Variants in PDE6A observed in about 807,000 individuals in gnomAD.
PDE6A encodes rod cGMP-specific 3',5'-cyclic phosphodiesterase subunit alpha.
In PDE6A, 84 loss-of-function variants were observed where a neutral mutation model predicts 106.3. That is an observed-to-expected ratio of 0.79 (90% CI 0.66 to 0.95). The LOEUF (loss-of-function observed/expected upper bound fraction) is 0.95, where lower values mean the gene tolerates loss of function less well. Among genes scored for constraint, PDE6A ranks in the 40% least tolerant of loss-of-function variants. The pLI, the probability that PDE6A is intolerant of heterozygous loss-of-function variation, is 0.00. For missense variants in PDE6A, 1,052 were observed against 1,084.9 expected (o/e 0.97, Z 0.43); for synonymous variants, 394 against 386.6 (o/e 1.02, Z -0.23).
intron 13 of PDE6A, among the ~76,000 whole-genome samples, chr5:149,892,064 G>A (rs1192235953): frequency 6.6e-6 from 1 of 152,136 alleles, no homozygotes; most frequent in Non-Finnish European, 1.5e-5. Flanking sequence ...TATAATTCCA[G>A]CAACTTGGGA....
intron 3 of PDE6A, chr5:149,932,716 A>G (rs1754077600): frequency 2.0e-6 from 3 of 1,503,468 alleles, no homozygotes; most frequent in Non-Finnish European, 9.2e-7. Context: ...CCAAATGTGT[A>G]CCAACTACTG....
chr5:149,902,590 G>C (rs1265259831), intron 8 of PDE6A, among the ~76,000 whole-genome samples: 1 of 152,050 alleles, frequency 6.6e-6, no homozygotes, highest in Admixed American at 6.5e-5. Flanking sequence ...GGAGGCCGAG[G>C]TGGGTGGATC....
chr5:149,936,201 G>GGAAGGAAGGAAT (rs1754179907), intron 1 of PDE6A, among the ~76,000 whole-genome samples: 1 of 150,800 alleles, frequency 6.6e-6, no homozygotes, highest in African/African-American at 2.4e-5. Context: ...AAGGAAGGAA[G>GGAAGGAAGGAAT]GAATTCAGAG....
At chr5:149,881,457 G>T (rs1446961699) in intron 17 of PDE6A, among the ~76,000 whole-genome samples, 4 of 152,210 alleles carry the variant, frequency 2.6e-5, no homozygotes, top group African/African-American at 9.6e-5. Flanking sequence ...AACAGGGATG[G>T]TGTTGGAGGC....
chr5:149,897,245 T>C lies in PDE6A; in HGVS notation c.1408-469A>G, dbSNP rs537684189. ...CCTTGGACATAGTCCTAGTTCTTCCTCTCATTTACTGTGTAACTTGAGGCA... is the reference window on the plus strand; with the variant it reads ...CCTTGGACATAGTCCTAGTTCTTCCCCTCATTTACTGTGTAACTTGAGGCA... On this transcript the variant is annotated intron_variant, in intron 10 of 21. Coordinates refer to ENST00000255266, the MANE Select transcript of PDE6A (RefSeq NM_000440.3). 1.2e-4 allele frequency among the ~76,000 whole-genome samples: 19 copies of C among 152,386 alleles called. No homozygotes were observed. The South Asian group carries it at 3.5e-3, about 28-fold the overall frequency.
chr5:149,894,629 A>ATTTTTTTTTTTTTTT (rs10657525), intron 13 of PDE6A, among the ~76,000 whole-genome samples: 1 of 113,050 alleles, frequency 8.8e-6, no homozygotes, highest in South Asian at 3.0e-4. Flanking sequence ...GAACTGTTGA[A>ATTTTTTTTTTTTTTT]TTTTTTTTTT....
chr5:149,868,247 C>T lies in PDE6A; in HGVS notation c.2136-89G>A, dbSNP rs73796302. ...CCATCTCTCTCACCTTTCTCCACCC[C>T]CACTAGTAGGTGACTTTGTCTCATT... On this transcript the variant is annotated intron_variant, in intron 17 of 21. Coordinates refer to ENST00000255266, the MANE Select transcript of PDE6A (RefSeq NM_000440.3). 818 of 1,282,622 alleles carry T rather than the reference C, an allele frequency of 6.4e-4. 5 individuals are homozygous for T. The African/African-American group carries it at 0.01, about 16-fold the overall frequency. The allele number at this position is 1,282,622 out of a possible 1,614,324, so 79.5% of individuals were successfully genotyped here.
At chr5:149,944,032 A>T (rs951640857) in intron 1 of PDE6A, among the ~76,000 whole-genome samples, 168 bp downstream of exon 1, 8 of 151,510 alleles carry the variant, frequency 5.3e-5, no homozygotes, top group Admixed American at 3.9e-4. Context: ...TTAAGTTTGA[A>T]TTTTTTTTTC....
chr5:149,912,087 C>T (rs775328803), intron 6 of PDE6A, among the ~76,000 whole-genome samples: 12 of 151,978 alleles, frequency 7.9e-5, no homozygotes, highest in Admixed American at 2.6e-4. Flanking sequence ...CCTACCTGCT[C>T]TATGTTCTTC....
At chr5:149,913,178 T>G (rs1753438022) in intron 6 of PDE6A, among the ~76,000 whole-genome samples, 1 of 152,098 alleles carries the variant, frequency 6.6e-6, no homozygotes, top group South Asian at 2.1e-4. Flanking sequence ...GGTCAGGAGT[T>G]TGAGACCAGC....
Position 149,860,820 on chromosome 5 carries a change from G to T in PDE6A, c.*75C>A. On this transcript the variant is annotated 3_prime_UTR_variant, in exon 22 of 22. Coordinates refer to ENST00000255266, the MANE Select transcript of PDE6A (RefSeq NM_000440.3). ...ATGACTCTTCTACTTCTCAAGGTGT[G>T]TGGTCTTCCACTGGCTTGAGTCATC... The T allele has an allele frequency of 8.4e-7, 1 of 1,186,738 alleles. No homozygotes were observed. Among genetic ancestry groups the T allele is most frequent in the Non-Finnish European group, 1.3e-6 (1 of 792,552 alleles). The allele number at this position is 1,186,738 out of a possible 1,614,324, so 73.5% of individuals were successfully genotyped here. A position where few individuals can be genotyped will look rare whatever the true frequency, so the allele number is the denominator to read the frequency against.
chr5:149,902,004 C>T (rs1024148597), intron 8 of PDE6A, among the ~76,000 whole-genome samples: 1 of 152,184 alleles, frequency 6.6e-6, no homozygotes, highest in African/African-American at 2.4e-5. Flanking sequence ...AAGACCCAAC[C>T]TTGACCAAAG....
intron 5 of PDE6A, among the ~76,000 whole-genome samples, chr5:149,916,113 C>A (rs1311467294): frequency 6.6e-6 from 1 of 152,212 alleles, no homozygotes; most frequent in Admixed American, 6.5e-5. Flanking sequence ...ACTGGGATGA[C>A]AGGCATGAGC....
chr5:149,885,967 T>A (rs1240497200), intron 14 of PDE6A, among the ~76,000 whole-genome samples: 2 of 152,316 alleles, frequency 1.3e-5, no homozygotes, highest in Admixed American at 6.5e-5. Flanking sequence ...TGGGACTACA[T>A]GGGGCCCACT....
chr5:149,928,232 T>TATATATATATATATA (rs1554091941), intron 4 of PDE6A, among the ~76,000 whole-genome samples: 3 of 11,342 alleles, frequency 2.6e-4, no homozygotes, highest in Admixed American at 1.6e-3. Context: ...TATATATATA[T>TATATATATATATATA]TTTTTTTTTT....
chr5:149,939,780 A>G (rs1440026565), intron 1 of PDE6A, among the ~76,000 whole-genome samples: 3 of 152,206 alleles, frequency 2.0e-5, no homozygotes, highest in Admixed American at 2.0e-4. Context: ...ACCTTAAAGC[A>G]TAAGATCTTA....
intron 1 of PDE6A, among the ~76,000 whole-genome samples, chr5:149,937,426 G>A (rs1387524300): frequency 6.6e-6 from 1 of 152,172 alleles, no homozygotes; most frequent in Non-Finnish European, 1.5e-5. Context: ...CATCCAGGCT[G>A]GAGTGCAGTG....
Position 149,907,454 on chromosome 5 carries a change from C to T in PDE6A, c.999-76G>A, listed in dbSNP as rs903147421. Reference sequence around the variant, plus strand: ...CTAAAGACTAAAATCTGGGTGTTTGCGCTCCCCCTGCTCTCAGGTGGCTCT... The same window carrying T: ...CTAAAGACTAAAATCTGGGTGTTTGTGCTCCCCCTGCTCTCAGGTGGCTCT... On this transcript the variant is annotated intron_variant, in intron 6 of 21. Coordinates refer to ENST00000255266, the MANE Select transcript of PDE6A (RefSeq NM_000440.3). 5.1e-5 allele frequency: 61 copies of T among 1,185,172 alleles called. No homozygotes were observed. In the Middle Eastern group the frequency reaches 7.9e-4, roughly 15 times the overall value. 73.4% of individuals were successfully genotyped at this position (1,185,172 alleles called of 1,614,324 possible).
rs146550067 is a variant in PDE6A at position 149,944,497 on chromosome 5, T to C, written c.177A>G (p.Glu59=). 1.7e-3 allele frequency: 2,687 copies of C among 1,614,108 alleles called. 26 individuals carry two copies. The highest frequency in any genetic ancestry group is 0.015 in the South Asian group (1,344 of 91,080). The stretch of plus-strand genomic sequence containing the variant: ...AGTCCCGCAGGAGATCAAAGATGAT[T>C]TCGCTCTCCTCCATGCTGCTCGGGG... ...YHSPSSMEES[E]IIFDLLRDFQ... The change falls in exon 1 of 22, where the codon GAA becomes GAG. Residue 59 remains glutamate (E), a synonymous_variant. Coordinates refer to ENST00000255266, the MANE Select transcript of PDE6A (RefSeq NM_000440.3).
Sources: allele counts gnomAD v4.1 joint callset (sites outside exome capture counted in the v4.1 genomes callset), GRCh38; gene constraint gnomAD v4.1.1; transcripts MANE v1.5; gene names NCBI Gene and HGNC (gene_info 2026-07-23, HGNC 2026-07-21).